Variants in RASGRP3 observed in about 807,000 individuals in gnomAD.
RASGRP3 encodes ras guanyl-releasing protein 3.
In RASGRP3, 54 loss-of-function variants were observed where a neutral mutation model predicts 82.7. That is an observed-to-expected ratio of 0.65 (90% CI 0.52 to 0.82). The LOEUF (loss-of-function observed/expected upper bound fraction) is 0.82, where lower values mean the gene tolerates loss of function less well. Among genes scored for constraint, RASGRP3 ranks in the 40% least tolerant of loss-of-function variants. RASGRP3 has a pLI of 0.00. For synonymous variants in RASGRP3, 309 were observed against 300.5 expected (o/e 1.03, Z -0.29); for missense variants, 861 against 828.9 (o/e 1.04, Z -0.48).
At chr2:33,537,320 A>ACACACCACCCCC (rs771052774) in intron 11 of RASGRP3, among the ~76,000 whole-genome samples, 2 of 33,322 alleles carry the variant, frequency 6.0e-5, no homozygotes, top group Admixed American at 7.4e-4. Context: ...ACACACACAC[A>ACACACCACCCCC]CCGCCCCCCC....
chr2:33,543,241 T>C (rs1350432745), intron 12 of RASGRP3, among the ~76,000 whole-genome samples: 2 of 152,166 alleles, frequency 1.3e-5, no homozygotes, highest in Non-Finnish European at 2.9e-5. Flanking sequence ...TCTCAAACTC[T>C]TGGGCTCAAG....
intron 2 of RASGRP3, among the ~76,000 whole-genome samples, chr2:33,470,693 A>G (rs112454533): frequency 1.3e-5 from 2 of 152,028 alleles, no homozygotes; most frequent in South Asian, 2.1e-4. Context: ...ATTATTTTCT[A>G]TTATGTTTTC....
At chr2:33,519,852 C>T (rs1430992477) in intron 4 of RASGRP3, 100 bp from the exon 5 acceptor site, 18 of 773,960 alleles carry the variant, frequency 2.3e-5, no homozygotes, top group Non-Finnish European at 3.9e-5. Flanking sequence ...ATAACCCCAG[C>T]ATGGTCCTCT....
chr2:33,546,524 T>C (rs1164608116), intron 13 of RASGRP3, among the ~76,000 whole-genome samples: 1 of 151,898 alleles, frequency 6.6e-6, no homozygotes, highest in Non-Finnish European at 1.5e-5. Flanking sequence ...CATTCAACCA[T>C]TGTGGAAAGC....
At position 33,452,966 on chromosome 2, in the gene RASGRP3, C is replaced by T. The variant is rs144533430; in HGVS notation, c.-261+5023C>T. Reference sequence around the variant, plus strand: ...GCACTGGATTTCACTGAAGTGGGCCCGATGCTGTGGTCCATAGCAAAGTAG... The same window carrying T: ...GCACTGGATTTCACTGAAGTGGGCCTGATGCTGTGGTCCATAGCAAAGTAG... On this transcript the variant is annotated intron_variant, in intron 2 of 18. Transcript: ENST00000402538. 1.1e-4 allele frequency among the ~76,000 whole-genome samples: 16 copies of T among 152,268 alleles called. No homozygotes were observed. The South Asian group carries it at 2.1e-3, about 20-fold the overall frequency.
intron 1 of RASGRP3, among the ~76,000 whole-genome samples, chr2:33,491,028 C>T (rs891918858): frequency 6.6e-6 from 1 of 152,156 alleles, no homozygotes; most frequent in South Asian, 2.1e-4. Context: ...TAAAAGATAA[C>T]ATTTAGAGCA....
chr2:33,537,684 A>G (rs950747759), intron 11 of RASGRP3, among the ~76,000 whole-genome samples: 6 of 152,202 alleles, frequency 3.9e-5, no homozygotes, highest in Non-Finnish European at 5.9e-5. Flanking sequence ...ATTAAAAAGA[A>G]AAGATAGAAA....
At position 33,520,001 on chromosome 2, in the gene RASGRP3, T is replaced by G; in HGVS notation, c.223T>G (p.Cys75Gly). The G allele has an allele frequency of 6.2e-7, 1 of 1,605,918 alleles. No individual in the cohort carries two copies. The highest frequency in any genetic ancestry group is 1.1e-5 in the South Asian group (1 of 89,628). ...ESCNEFRLKI[C>G]YFMRYWILKF... is the part of the protein sequence containing the mutation. Reference sequence around the variant, plus strand: ...CTGCAATGAATTTCGATTAAAGATCTGCTACTTCATGAGGTAAATATATTT... The same window carrying G: ...CTGCAATGAATTTCGATTAAAGATCGGCTACTTCATGAGGTAAATATATTT... Residue 75 changes from cysteine (C) to glycine (G), a missense_variant, in exon 5 of 18, where the codon TGC becomes GGC. Transcript: ENST00000403687.
At chr2:33,508,182 T>C (rs1449346889) in intron 1 of RASGRP3, among the ~76,000 whole-genome samples, 1 of 151,870 alleles carries the variant, frequency 6.6e-6, no homozygotes, top group Non-Finnish European at 1.5e-5. Flanking sequence ...GGGAGGAAAA[T>C]GATGAGTTCA....
intron 1 of RASGRP3, among the ~76,000 whole-genome samples, chr2:33,486,469 C>T (rs966782475): frequency 1.3e-5 from 2 of 150,174 alleles, no homozygotes; most frequent in African/African-American, 5.0e-5. Context: ...CTCCTGGCCT[C>T]ACTTGGTATT....
At chr2:33,549,784 GTA>G in intron 14 of RASGRP3, 33 bp downstream of exon 14, 1 of 1,589,156 alleles carries the variant, frequency 6.3e-7, no homozygotes, top group South Asian at 1.1e-5. Flanking sequence ...TCTTATGTGT[GTA>G]GTTATTTGTG....
At chr2:33,494,496 G>A (rs539012612) in intron 1 of RASGRP3, among the ~76,000 whole-genome samples, 29 of 152,302 alleles carry the variant, frequency 1.9e-4, no homozygotes, top group African/African-American at 6.5e-4. Flanking sequence ...AGGGTCTACC[G>A]TGATGAATAT....
At chr2:33,453,196 A>G (rs750974322) in intron 2 of RASGRP3, among the ~76,000 whole-genome samples, 3 of 152,218 alleles carry the variant, frequency 2.0e-5, no homozygotes, top group Non-Finnish European at 4.4e-5. Flanking sequence ...ATATTTTAAA[A>G]AGCAATGAGT....
chr2:33,482,411 G>A (rs1252106415), intron 1 of RASGRP3: 1 of 152,236 alleles, frequency 6.6e-6, no homozygotes, highest in Non-Finnish European at 1.5e-5. Flanking sequence ...ATGGCATGAT[G>A]TAACGTTACC....
At chr2:33,449,797 T>C (rs971582969) in intron 2 of RASGRP3, among the ~76,000 whole-genome samples, 1 of 152,184 alleles carries the variant, frequency 6.6e-6, no homozygotes, top group Non-Finnish European at 1.5e-5. Flanking sequence ...AAAATATTTA[T>C]GATATATAGC....
intron 1 of RASGRP3, among the ~76,000 whole-genome samples, chr2:33,478,112 T>A (rs2150929314): frequency 6.6e-6 from 1 of 152,244 alleles, no homozygotes; most frequent in South Asian, 2.1e-4. Context: ...TGCGATCGAG[T>A]TTCCCTCAGC....
chr2:33,472,870 CA>C (rs57159320), upstream of RASGRP3, among the ~76,000 whole-genome samples: 226 of 68,084 alleles, frequency 3.3e-3, 1 homozygote, highest in African/African-American at 5.6e-3. Context: ...GACTCCGTCT[CA>C]AAAAAAAAAA....
chr2:33,462,196 G>A (rs1666407275), intron 2 of RASGRP3, among the ~76,000 whole-genome samples: 1 of 152,060 alleles, frequency 6.6e-6, no homozygotes, highest in Admixed American at 6.5e-5. Context: ...AAGAAAGTGA[G>A]CATCATTCTC....
At chr2:33,558,171 A>T in intron 15 of RASGRP3, 40 bp from the exon 16 acceptor site, 1 of 1,596,250 alleles carries the variant, frequency 6.3e-7, no homozygotes, top group South Asian at 1.1e-5. Flanking sequence ...AATCAACATC[A>T]GACACACTAA....
Sources: gnomAD v4.1 joint callset for allele counts (sites outside exome capture counted in the v4.1 genomes callset) on GRCh38, gnomAD v4.1.1 for gene constraint, MANE v1.5 for transcripts, NCBI Gene and HGNC (gene_info 2026-07-23, HGNC 2026-07-21) for gene names.